Variants in TBC1D1 observed in about 807,000 individuals in gnomAD.
The protein encoded by TBC1D1 is TBC1 (tre-2/USP6, BUB2, cdc16) domain family, member 1.
Under a neutral mutation model 125.6 loss-of-function variants are expected in TBC1D1, and 89 were observed. The observed-to-expected ratio is 0.71, with a 90% CI of 0.60 to 0.85. The LOEUF is 0.85. Among genes scored for constraint, TBC1D1 ranks in the 40% least tolerant of loss-of-function variants. TBC1D1 has a pLI of 0.00. For missense variants in TBC1D1, 1,377 were observed against 1,469.2 expected (o/e 0.94, Z 1.03); for synonymous variants, 565 against 564.1 (o/e 1.00, Z -0.02).
intron 2 of TBC1D1, among the ~76,000 whole-genome samples, chr4:38,013,130 G>T (rs758928114): frequency 6.6e-6 from 1 of 152,120 alleles, no homozygotes; most frequent in Non-Finnish European, 1.5e-5. Flanking sequence ...GTCTCATCAG[G>T]TATCAATTAT....
chr4:38,057,204 G>T (rs1012814377), intron 12 of TBC1D1, among the ~76,000 whole-genome samples: 20 of 152,108 alleles, frequency 1.3e-4, no homozygotes, highest in African/African-American at 4.6e-4. Context: ...TCTGATGCAG[G>T]TTCCCACTAG....
chr4:38,014,717 C>A lies in TBC1D1; in HGVS notation c.626C>A (p.Ser209Tyr), dbSNP rs200336838. The A allele has an allele frequency of 1.2e-6, 2 of 1,612,158 alleles. No homozygotes were observed. Among genetic ancestry groups the A allele is most frequent in the East Asian group, 2.2e-5 (1 of 44,892 alleles). Reference sequence around the variant, plus strand: ...AATCACGTCAGCGGCAGCCGGGGGTCCGAGAGCCCCCGCCCCAACCCGCCC... The same window carrying A: ...AATCACGTCAGCGGCAGCCGGGGGTACGAGAGCCCCCGCCCCAACCCGCCC... Residue 209 changes from serine (S) to tyrosine (Y), a missense_variant, in exon 3 of 20, where the codon TCC becomes TAC. Coordinates refer to ENST00000261439, the MANE Select transcript of TBC1D1 (RefSeq NM_015173.4). This position sits in a 1 kb window ranked among gnomAD's most constrained non-coding sequence, Gnocchi z 5.1.
At chr4:37,998,607 CCT>C (rs1321760231) in intron 2 of TBC1D1, among the ~76,000 whole-genome samples, 1 of 152,208 alleles carries the variant, frequency 6.6e-6, no homozygotes, top group Non-Finnish European at 1.5e-5. Context: ...AGTCTCCTTG[CCT>C]CTGTTGCCTT....
intron 18 of TBC1D1, among the ~76,000 whole-genome samples, chr4:38,128,152 C>T (rs899722811): frequency 2.0e-5 from 3 of 152,172 alleles, no homozygotes; most frequent in South Asian, 2.1e-4. Context: ...TTCTCAGAAC[C>T]TGAGGTGTTC....
rs202044234 is a variant in TBC1D1, at chr4:38,121,609, C to T, written c.2963-3353C>T. ...TGAGCTAGGCTACTGCCTCACTGCG[C>T]TGGGCGGCTCCAACAGTTCACTGTC... On this transcript the variant is annotated intron_variant, in intron 17 of 19. Coordinates refer to ENST00000261439, the MANE Select transcript of TBC1D1 (RefSeq NM_015173.4). 3.3e-5 allele frequency among the ~76,000 whole-genome samples: 5 copies of T among 152,316 alleles called. No individual in the cohort carries two copies. The East Asian group carries it at 9.6e-4, about 29-fold the overall frequency.
chr4:37,985,518 G>A lies in TBC1D1; in HGVS notation c.418-28991G>A, dbSNP rs943050807. Among the ~76,000 whole-genome samples the A allele has an allele frequency of 8.5e-5, 13 of 152,194 alleles. 1 individual carries two copies. Among genetic ancestry groups the A allele is most frequent in the African/African-American group, 3.1e-4 (13 of 41,432 alleles). On this transcript the variant is annotated intron_variant, in intron 2 of 19. Transcript: ENST00000261439. ...TTTTACATTGGTTGAACTTGGCTAAGTTAACTTTGCTGAGCCTGTTTTCTT... is the reference window on the plus strand; with the variant it reads ...TTTTACATTGGTTGAACTTGGCTAAATTAACTTTGCTGAGCCTGTTTTCTT...
rs934292321 is a variant in TBC1D1, at chr4:38,137,595, C to T, written c.*260C>T. 5.0e-5 allele frequency: 20 copies of T among 397,642 alleles called. No individual in the cohort carries two copies. Among genetic ancestry groups the T allele is most frequent in the Non-Finnish European group, 7.8e-5 (18 of 230,446 alleles). 24.6% of individuals were successfully genotyped at this position (397,642 alleles called of 1,614,324 possible). A position where few individuals can be genotyped will look rare whatever the true frequency, so the allele number is the denominator to read the frequency against. ...ACACAGTAGCTTTAGATGGCGTGGACGTGAATAAATGCAACTTATGTTTTC... is the reference window on the plus strand; with the variant it reads ...ACACAGTAGCTTTAGATGGCGTGGATGTGAATAAATGCAACTTATGTTTTC... On this transcript the variant is annotated 3_prime_UTR_variant, in exon 20 of 20. Transcript: ENST00000261439.
chr4:38,018,542 ATGTT>A, intron 4 of TBC1D1, 99 bp downstream of exon 4: 3 of 771,848 alleles, frequency 3.9e-6, no homozygotes, highest in Non-Finnish European at 6.2e-6. Context: ...TACAAGGTGT[ATGTT>A]TTCTAAGTAC....
At chr4:37,933,658 A>G (rs895918184) in intron 2 of TBC1D1, among the ~76,000 whole-genome samples, 1 of 152,216 alleles carries the variant, frequency 6.6e-6, no homozygotes, top group Non-Finnish European at 1.5e-5. Context: ...AGCTTTCAGT[A>G]ACTATGAGTA....
intron 2 of TBC1D1, among the ~76,000 whole-genome samples, chr4:37,998,709 G>A (rs1034322147): frequency 6.6e-6 from 1 of 152,190 alleles, no homozygotes; most frequent in Non-Finnish European, 1.5e-5. Flanking sequence ...TCTGTAAAAC[G>A]GGAATGAGGG....
At chr4:38,101,351 C>T (rs1326125695) in intron 14 of TBC1D1, among the ~76,000 whole-genome samples, 1 of 152,180 alleles carries the variant, frequency 6.6e-6, no homozygotes, top group African/African-American at 2.4e-5. Flanking sequence ...GCATCTTATT[C>T]TTCAGTCTTC....
At chr4:38,004,253 C>T (rs1739634179) in intron 2 of TBC1D1, among the ~76,000 whole-genome samples, 1 of 152,202 alleles carries the variant, frequency 6.6e-6, no homozygotes, top group African/African-American at 2.4e-5. Flanking sequence ...GTTTTAGTTA[C>T]TGCTCCAGAT....
chr4:38,090,217 C>G, intron 13 of TBC1D1, 100 bp downstream of exon 15: 1 of 1,141,214 alleles, frequency 8.8e-7, no homozygotes, highest in South Asian at 1.3e-5. Flanking sequence ...TACAGCAGCA[C>G]GATAGTCTAA....
At chr4:37,909,318 T>C (rs1718042787) in intron 2 of TBC1D1, among the ~76,000 whole-genome samples, 1 of 152,250 alleles carries the variant, frequency 6.6e-6, no homozygotes, top group South Asian at 2.1e-4. Flanking sequence ...GGCTGAGTTT[T>C]ATTACTTAAA....
chr4:37,940,451 C>T (rs1176915838), intron 2 of TBC1D1, among the ~76,000 whole-genome samples: 1 of 152,184 alleles, frequency 6.6e-6, no homozygotes, highest in Non-Finnish European at 1.5e-5. Flanking sequence ...TCTAGATATA[C>T]AATCATGTCA....
rs948264061 is a variant in TBC1D1, at chr4:37,977,707, A to T, written c.418-36802A>T. Reference sequence around the variant, plus strand: ...CGTTTCTCATTCATTAGTCTCCCAGATCCCTGTGGGGAGGACGGGCGAGGT... The same window carrying T: ...CGTTTCTCATTCATTAGTCTCCCAGTTCCCTGTGGGGAGGACGGGCGAGGT... On this transcript the variant is annotated intron_variant, in intron 2 of 19. Coordinates refer to ENST00000261439, the MANE Select transcript of TBC1D1 (RefSeq NM_015173.4). This position sits in a 1 kb window ranked among gnomAD's most constrained non-coding sequence, Gnocchi z 4.3. 2.6e-5 allele frequency among the ~76,000 whole-genome samples: 4 copies of T among 151,954 alleles called. No homozygotes were observed. Among genetic ancestry groups the T allele is most frequent in the Non-Finnish European group, 4.4e-5 (3 of 67,928 alleles).
In TBC1D1 at chr4:38,049,803, G is replaced by A. The variant is rs1750145574; in HGVS notation, c.1815G>A (p.Gln605=). 6.2e-7 allele frequency: 1 copy of A among 1,614,172 alleles called. No individual in the cohort carries two copies. The highest frequency in any genetic ancestry group is 8.5e-7 in the Non-Finnish European group (1 of 1,180,026). ...TGAGTCACTTCCCCATCGAATGCCA[G>A]GAACCTCCACAACCTGCCCGGGGGT... The change falls in exon 11 of 20, where the codon CAG becomes CAA. Residue 605 remains glutamine (Q), a synonymous_variant. Transcript: ENST00000261439.
intron 2 of TBC1D1, among the ~76,000 whole-genome samples, chr4:37,983,462 T>C (rs944003994): frequency 6.6e-6 from 1 of 152,198 alleles, no homozygotes; most frequent in African/African-American, 2.4e-5. Flanking sequence ...TATGATGCTT[T>C]GTACGGTCAC....
intron 8 of TBC1D1, among the ~76,000 whole-genome samples, chr4:38,042,431 T>G (rs950797126): frequency 1.3e-5 from 2 of 151,554 alleles, no homozygotes; most frequent in Non-Finnish European, 2.9e-5. Flanking sequence ...ATTTTTATAT[T>G]TTTAATAGAG....
Sources: allele counts gnomAD v4.1 joint callset (sites outside exome capture counted in the v4.1 genomes callset), GRCh38; gene constraint gnomAD v4.1.1; non-coding constraint Gnocchi (gnomAD v3.1); transcripts MANE v1.5; gene names NCBI Gene and HGNC (gene_info 2026-07-23, HGNC 2026-07-21).